FCMR: variants seen among roughly 807,000 people sequenced by gnomAD.
FCMR encodes Fc mu receptor, also known as immunoglobulin mu Fc receptor.
FCMR carries 34 observed loss-of-function variants against 41.6 expected under a neutral mutation model. The ratio of observed to expected loss-of-function variants is 0.82; its 90% confidence interval spans 0.62 to 1.09. The LOEUF is 1.09. Among genes scored for constraint, FCMR ranks in the 50% least tolerant of loss-of-function variants. The probability of loss-of-function intolerance (pLI) is 0.00; values close to 1 mark genes in which losing one functional copy is unlikely to be tolerated. For missense variants in FCMR, 496 were observed against 512.5 expected (o/e 0.97, Z 0.31); for synonymous variants, 209 against 211.8 (o/e 0.99, Z 0.12).
At chr1:206,914,713 C>A (rs1679114041) in intron 1 of FCMR, among the ~76,000 whole-genome samples, 3 of 152,118 alleles carry the variant, frequency 2.0e-5, no homozygotes, top group South Asian at 4.1e-4. Flanking sequence ...GATTGAGCCA[C>A]CACGCCCAAC....
At chr1:206,913,190 G>A (rs957725683) in intron 2 of FCMR, 148 bp from the exon 3 acceptor site, 1 of 655,642 alleles carries the variant, frequency 1.5e-6, no homozygotes, top group African/African-American at 1.8e-5. Context: ...CTGGGTTGGG[G>A]GCTTCCCTGG....
chr1:206,919,708 T>C (rs1679349298), intron 1 of FCMR, among the ~76,000 whole-genome samples: 1 of 152,096 alleles, frequency 6.6e-6, no homozygotes, highest in Admixed American at 6.5e-5. Context: ...CATAGCAGGA[T>C]CCCTTGGCCC....
intron 1 of FCMR, among the ~76,000 whole-genome samples, chr1:206,919,387 G>C (rs1245571412): frequency 2.4e-4 from 36 of 152,150 alleles, no homozygotes; most frequent in Non-Finnish European, 1.2e-4. Flanking sequence ...TTTGAGTCCA[G>C]GAGTTTGAGA....
In FCMR at chr1:206,904,712, G is replaced by A; in HGVS notation, c.*307C>T. On this transcript the variant is annotated 3_prime_UTR_variant, in exon 8 of 8. Transcript: ENST00000367091. ...GCAACAACCCTGTGGTCAAAGACAT[G>A]GAAGAAACACTCTGCAAATCCCACA... is the stretch of plus-strand genomic sequence containing the variant. The A allele has an allele frequency of 2.9e-6, 1 of 341,734 alleles. No homozygotes were observed. Among genetic ancestry groups the A allele is most frequent in the East Asian group, 6.5e-5 (1 of 15,492 alleles). The allele number at this position is 341,734 out of a possible 1,614,324, so 21.2% of individuals were successfully genotyped here. A position where few individuals can be genotyped will look rare whatever the true frequency, so the allele number is the denominator to read the frequency against.
chr1:206,918,069 A>T (rs1679267624), intron 1 of FCMR, among the ~76,000 whole-genome samples: 1 of 152,170 alleles, frequency 6.6e-6, no homozygotes, highest in Non-Finnish European at 1.5e-5. Context: ...CTTCTATCAG[A>T]ATTTCGTGTC....
chr1:206,914,413 T>G (rs1436278819), intron 1 of FCMR, among the ~76,000 whole-genome samples: 1 of 120,254 alleles, frequency 8.3e-6, no homozygotes, highest in African/African-American at 5.4e-5. Flanking sequence ...CTTTCTTTCC[T>G]TCCTTCCTTC....
intron 3 of FCMR, among the ~76,000 whole-genome samples, chr1:206,912,454 GGAT>G (rs1366204896): frequency 6.6e-6 from 1 of 152,170 alleles, no homozygotes; most frequent in African/African-American, 2.4e-5. Context: ...ATTTAAAACT[GGAT>G]GATGATATCA....
intron 7 of FCMR, among the ~76,000 whole-genome samples, chr1:206,906,910 A>G (rs1009803138): frequency 1.3e-5 from 2 of 151,974 alleles, no homozygotes; most frequent in African/African-American, 2.4e-5. Flanking sequence ...CCTTGTGCAC[A>G]TATTTTCGAA....
intron 7 of FCMR, among the ~76,000 whole-genome samples, chr1:206,905,704 A>G (rs1678608171): frequency 6.6e-6 from 1 of 152,212 alleles, no homozygotes; most frequent in Non-Finnish European, 1.5e-5. Context: ...CTCAAAAGAC[A>G]GGACTGTGCC....
In FCMR at chr1:206,909,714, C is replaced by T. The variant is rs1678834636; in HGVS notation, c.985+11G>A. ...TTTCCGCTACTCCCCGTGGCCCGCC[C>T]GGCGGCTCACCTGCAGCGTCCGCTC... is the stretch of plus-strand genomic sequence containing the variant. On this transcript the variant is annotated intron_variant, in intron 6 of 7. Coordinates refer to ENST00000367091, the MANE Select transcript of FCMR (RefSeq NM_005449.5). This position sits in a 1 kb window ranked among gnomAD's most constrained non-coding sequence, Gnocchi z 5.0. The T allele has an allele frequency of 1.4e-6, 2 of 1,422,342 alleles. No homozygotes were observed. Among genetic ancestry groups the T allele is most frequent in the African/African-American group, 1.5e-5 (1 of 65,926 alleles). 88.1% of individuals were successfully genotyped at this position (1,422,342 alleles called of 1,614,324 possible).
chr1:206,904,404 G>T lies in FCMR; in HGVS notation c.*615C>A, dbSNP rs1456730556. 2 of 152,346 alleles carry T rather than the reference G, an allele frequency of 1.3e-5. No homozygotes were observed. Among genetic ancestry groups the T allele is most frequent in the Non-Finnish European group, 2.9e-5 (2 of 68,572 alleles). 9.4% of individuals were successfully genotyped at this position (152,346 alleles called of 1,614,324 possible). On this transcript the variant is annotated 3_prime_UTR_variant, in exon 8 of 8. Coordinates refer to ENST00000367091, the MANE Select transcript of FCMR (RefSeq NM_005449.5). ...ATTTATGGATATATATGCATATCTT[G>T]CTAATAAGTTTGGTTTATCATCACA...
At chr1:206,915,430 TGAG>T (rs1403454484) in intron 1 of FCMR, among the ~76,000 whole-genome samples, 1 of 151,738 alleles carries the variant, frequency 6.6e-6, no homozygotes, top group African/African-American at 2.4e-5. Context: ...GGAGGGGAAG[TGAG>T]GGTGTGTGTG....
chr1:206,915,979 G>T (rs552956632), intron 1 of FCMR, among the ~76,000 whole-genome samples: 1 of 152,060 alleles, frequency 6.6e-6, no homozygotes, highest in Admixed American at 6.5e-5. Flanking sequence ...AATCATGGGA[G>T]GGGGAAAGGG....
intron 1 of FCMR, among the ~76,000 whole-genome samples, chr1:206,916,328 G>T: frequency 6.6e-6 from 1 of 152,240 alleles, no homozygotes. Context: ...CCGAGGGTGG[G>T]AGCACGTGGA....
chr1:206,906,211 G>T, intron 7 of FCMR: 1 of 464,300 alleles, frequency 2.2e-6, no homozygotes, highest in South Asian at 1.8e-5. Context: ...CATAACAATA[G>T]GAGAAACGAT....
chr1:206,906,073 A>G, intron 7 of FCMR: 1 of 353,602 alleles, frequency 2.8e-6, no homozygotes, highest in African/African-American at 2.2e-5. Flanking sequence ...AACTCAGTCA[A>G]GTAATCAGTG....
At chr1:206,910,657 T>C (rs895698349) in intron 4 of FCMR, among the ~76,000 whole-genome samples, 1 of 152,202 alleles carries the variant, frequency 6.6e-6, no homozygotes, top group Non-Finnish European at 1.5e-5. Flanking sequence ...AGAGTGGATA[T>C]AAAGAATTTA....
intron 1 of FCMR, among the ~76,000 whole-genome samples, chr1:206,918,650 A>AGT (rs10652847): frequency 0.059 from 8,564 of 145,906 alleles, 274 homozygotes; most frequent in South Asian, 0.087. Flanking sequence ...ATAAATTTTA[A>AGT]GTGTGTGTGT....
At position 206,909,479 on chromosome 1, in the gene FCMR, G is replaced by C. The variant is rs765519847; in HGVS notation, c.1027C>G (p.Pro343Ala). ...GAGCTTACCTGCAGCGGGGCGGGGG[G>C]CAACGGCGCTCCGGGGCCGGGAACG... Reference protein sequence around the residue: ...APVPGPGAPLPPAPLQVSESP... With the variant: ...APVPGPGAPLAPAPLQVSESP... The change falls in exon 7 of 8, where the codon CCC (proline) becomes GCC (alanine). Residue 343 changes from proline to alanine, a missense_variant. By Grantham distance (27) the Pro-to-Ala change is conservative (BLOSUM62 -1). Transcript: ENST00000367091. This position sits in a 1 kb window ranked among gnomAD's most constrained non-coding sequence, Gnocchi z 5.0. 30 of 1,283,208 alleles carry C rather than the reference G, an allele frequency of 2.3e-5. No homozygotes were observed. Among genetic ancestry groups the C allele is most frequent in the Middle Eastern group, 5.4e-4 (2 of 3,682 alleles). The allele number at this position is 1,283,208 out of a possible 1,614,324, so 79.5% of individuals were successfully genotyped here. A position where few individuals can be genotyped will look rare whatever the true frequency, so the allele number is the denominator to read the frequency against.
Sources: allele counts gnomAD v4.1 joint callset (sites outside exome capture counted in the v4.1 genomes callset), GRCh38; gene constraint gnomAD v4.1.1; non-coding constraint Gnocchi (gnomAD v3.1); transcripts MANE v1.5; gene names NCBI Gene and HGNC (gene_info 2026-07-23, HGNC 2026-07-21).